The following KIF12 variants were observed in gnomAD, a reference collection of about 807,000 sequenced individuals.
KIF12 encodes kinesin family member 12, also known as kinesin-like protein KIF12.
In KIF12, 80 loss-of-function variants were observed where a neutral mutation model predicts 87.9. The observed-to-expected ratio is 0.91, with a 90% CI of 0.76 to 1.10. KIF12 has a LOEUF of 1.10. Among genes scored for constraint, KIF12 ranks in the 50% least tolerant of loss-of-function variants. The pLI is 0.00. For missense variants in KIF12, 819 were observed against 865.3 expected, an observed-to-expected ratio of 0.95 and a Z score of 0.67; for synonymous variants, 353 against 348.5, an observed-to-expected ratio of 1.01 and a Z score of -0.14.
At chr9:114,097,817 G>A in intron 5 of KIF12, 76 bp from the exon 6 acceptor site, 2 of 1,490,626 alleles carry the variant, frequency 1.3e-6, no homozygotes, top group Non-Finnish European at 1.8e-6. Flanking sequence ...ATGATACCGT[G>A]CGCCGGGAAA....
At chr9:114,094,921 G>T in intron 11 of KIF12, 102 bp downstream of exon 11, 2 of 1,046,818 alleles carry the variant, frequency 1.9e-6, no homozygotes, top group South Asian at 1.7e-5. Flanking sequence ...TCCCAACTTT[G>T]ACCCAGTCCA....
At position 114,093,233 on chromosome 9, in the gene KIF12, G is replaced by A. The variant is rs1223040970; in HGVS notation, c.1592C>T (p.Pro531Leu). 1.3e-6 allele frequency: 2 copies of A among 1,551,894 alleles called. No individual in the cohort carries two copies. Among genetic ancestry groups the A allele is most frequent in the East Asian group, 2.4e-5 (1 of 41,088 alleles). The change falls in exon 16 of 19, where the codon CCC becomes CTC. Residue 531 changes from proline (P) to leucine (L), a missense_variant. Transcript: ENST00000640217. ...WACLPGEHHL[P>L]QVLDPEASGG... ...TCCCACCATGGCCTTTCCTACCTGG[G>A]GCAGGTGGTGCTCCCCTGGCAGGCA... is the stretch of plus-strand genomic sequence containing the variant.
chr9:114,094,958 C>T (rs1183977764), intron 11 of KIF12, 65 bp downstream of exon 11: 16 of 1,392,094 alleles, frequency 1.1e-5, no homozygotes, highest in South Asian at 1.1e-4. Flanking sequence ...ACTCAGGCTC[C>T]AACTCCTGCC....
At chr9:114,094,549 A>C in intron 11 of KIF12, 94 bp from the exon 12 acceptor site, 1 of 708,844 alleles carries the variant, frequency 1.4e-6, no homozygotes, top group Non-Finnish European at 2.4e-6. Flanking sequence ...GGGGCCTAAA[A>C]TCCAGCCCAT....
intron 4 of KIF12, 55 bp downstream of exon 4, chr9:114,098,247 G>A: frequency 6.6e-7 from 1 of 1,521,656 alleles, no homozygotes; most frequent in South Asian, 1.2e-5. Flanking sequence ...GGGGGCTGGG[G>A]GTGCTTCGGG....
In KIF12 at chr9:114,099,168, C is replaced by T; in HGVS notation, c.28G>A (p.Asp10Asn). The T allele has an allele frequency of 1.3e-6, 2 of 1,550,518 alleles. No individual in the cohort carries two copies. The highest frequency in any genetic ancestry group is 1.7e-6 in the Non-Finnish European group (2 of 1,147,042). The change falls in exon 2 of 19, where the codon GAT (aspartate) becomes AAT (asparagine). Residue 10 changes from aspartate to asparagine, a missense_variant and splice_region_variant. Coordinates refer to ENST00000640217, the MANE Select transcript of KIF12 (RefSeq NM_001388308.1). Reference protein sequence around the residue: MEERGSPDGDLARSLEQGPE... With the variant: MEERGSPDGNLARSLEQGPE... The stretch of plus-strand genomic sequence containing the variant: ...CCTTGCTCCAGGCTCCGCGCGAGAT[C>T]CCTGTGGGCAGCAATGCGACTTATC...
chr9:114,098,450 G>A (rs1847332079), intron 3 of KIF12, 21 bp from the exon 4 acceptor site: 2 of 1,492,792 alleles, frequency 1.3e-6, no homozygotes, highest in Admixed American at 2.3e-5. Flanking sequence ...TGGGGCGGAG[G>A]AGCGGGGCAC....
intron 7 of KIF12, among the ~76,000 whole-genome samples, chr9:114,097,074 A>C (rs1720341216): frequency 6.6e-6 from 1 of 152,170 alleles, no homozygotes; most frequent in South Asian, 2.1e-4. Flanking sequence ...TGGGCTAGAG[A>C]GGAGAGGGTG....
chr9:114,094,640 G>A (rs1187922546), intron 11 of KIF12, among the ~76,000 whole-genome samples, 185 bp from the exon 12 acceptor site: 12 of 152,194 alleles, frequency 7.9e-5, no homozygotes, highest in African/African-American at 2.9e-4. Flanking sequence ...CACTGTCCTG[G>A]AGGGCCCCAC....
rs370755096 is a variant in KIF12, at chr9:114,095,281, G to C, written c.947C>G (p.Pro316Arg). 9 of 1,613,894 alleles carry C rather than the reference G, an allele frequency of 5.6e-6. No individual in the cohort carries two copies. The African/African-American group carries it at 9.3e-5, about 17-fold the overall frequency. ...CTTGGTGAGCTTGCTGTCCCGGAAA[G>C]GGATGTGGCTCTGCTTCCGCTGTGG... ...LDPQRKQSHIPFRDSKLTKLL... is the reference protein window; with the variant it reads ...LDPQRKQSHIRFRDSKLTKLL... Residue 316 changes from proline (P) to arginine (R), a missense_variant, in exon 10 of 19, where the codon CCT becomes CGT. By Grantham distance (103) the Pro-to-Arg change is moderately radical. Coordinates refer to ENST00000640217, the MANE Select transcript of KIF12 (RefSeq NM_001388308.1).
chr9:114,098,041 C>A (rs1009852661), intron 5 of KIF12, 74 bp downstream of exon 5: 180 of 1,405,164 alleles, frequency 1.3e-4, no homozygotes, highest in Non-Finnish European at 1.6e-4. Flanking sequence ...TGGGAGTCTG[C>A]GCCGCCTGCG....
Position 114,099,027 on chromosome 9 carries a change from G to GA in KIF12, c.93-15dup. 6.5e-7 allele frequency: 1 copy of GA among 1,550,366 alleles called. No individual in the cohort carries two copies. The highest frequency in any genetic ancestry group is 8.7e-7 in the Non-Finnish European group (1 of 1,146,868). ...ATGGGACGTACCCTGGGGTCCGACA[G>GA]AAGGGCAGATGGTACATCCTGATGT... On this transcript the variant is annotated splice_polypyrimidine_tract_variant and intron_variant, in intron 2 of 18. Coordinates refer to ENST00000640217, the MANE Select transcript of KIF12 (RefSeq NM_001388308.1).
rs1319936712 is a variant in KIF12 at position 114,098,285 on chromosome 9, G to A, written c.299+17C>T. Reference sequence around the variant, plus strand: ...CCCGCCAGGCCCGGCGCGGAGCGGAGGCGAAGCTTCACTCACCCGCGCAGC... The same window carrying A: ...CCCGCCAGGCCCGGCGCGGAGCGGAAGCGAAGCTTCACTCACCCGCGCAGC... On this transcript the variant is annotated intron_variant, in intron 4 of 18. Coordinates refer to ENST00000640217, the MANE Select transcript of KIF12 (RefSeq NM_001388308.1). 14 of 1,488,982 alleles carry A rather than the reference G, an allele frequency of 9.4e-6. No individual in the cohort carries two copies. The highest frequency in any genetic ancestry group is 1.2e-5 in the Non-Finnish European group (14 of 1,124,312). 92.2% of individuals were successfully genotyped at this position (1,488,982 alleles called of 1,614,324 possible). A position where few individuals can be genotyped will look rare whatever the true frequency, so the allele number is the denominator to read the frequency against.
In KIF12 at chr9:114,092,348, A is replaced by T. The variant is rs201532959; in HGVS notation, c.1801T>A (p.Ser601Thr). The T allele has an allele frequency of 1.3e-6, 2 of 1,591,046 alleles. No individual in the cohort carries two copies. Among genetic ancestry groups the T allele is most frequent in the Admixed American group, 3.7e-5 (2 of 54,332 alleles). The change falls in exon 18 of 19, where the codon TCA becomes ACA. Residue 601 changes from serine (S) to threonine (T), a missense_variant. By Grantham distance (58) the Ser-to-Thr change is moderately conservative. Coordinates refer to ENST00000640217, the MANE Select transcript of KIF12 (RefSeq NM_001388308.1). ...CCTTCTTCACCTCTGAGCCCTGGTG[A>T]TGTCTTCGGGGGCCTCACAGGCAGG... Reference protein sequence around the residue: ...PPLPVRPPKTSPGLRGGAGVP... With the variant: ...PPLPVRPPKTTPGLRGGAGVP...
intron 7 of KIF12, 147 bp downstream of exon 7, chr9:114,097,151 CCTT>C: frequency 2.5e-6 from 2 of 813,432 alleles, no homozygotes; most frequent in Non-Finnish European, 3.6e-6. Flanking sequence ...TTGGGCCATG[CCTT>C]TGAATTGTGG....
Position 114,098,958 on chromosome 9 carries a change from A to G in KIF12, c.148T>C (p.Cys50Arg). Residue 50 changes from cysteine (C) to arginine (R), a missense_variant, in exon 3 of 19, where the codon TGC (cysteine) becomes CGC (arginine). Coordinates refer to ENST00000640217, the MANE Select transcript of KIF12 (RefSeq NM_001388308.1). ...ACCTGCAGAGTCCGGGTCCCTGAGC[A>G]GTGCAGCACGCTCTGCTGCCCTCGA... ...LRRGQQSVLHCSGTRTLQVSP... is the reference protein window; with the variant it reads ...LRRGQQSVLHRSGTRTLQVSP... 6.5e-7 allele frequency: 1 copy of G among 1,549,718 alleles called. No individual in the cohort carries two copies. The highest frequency in any genetic ancestry group is 8.7e-7 in the Non-Finnish European group (1 of 1,146,414).
chr9:114,099,115 C>A lies in KIF12; in HGVS notation c.81G>T (p.Gln27His). 6.4e-7 allele frequency: 1 copy of A among 1,550,582 alleles called. No homozygotes were observed. The highest frequency in any genetic ancestry group is 1.4e-5 in the African/African-American group (1 of 73,130). ...QGPEGPETPI[Q>H]VVLRVRPMSA... ...CAATTTATACCCACCTGAGCACCACCTGGATGGGCGTTTCCGGCCCCTCTG... is the reference window on the plus strand; with the variant it reads ...CAATTTATACCCACCTGAGCACCACATGGATGGGCGTTTCCGGCCCCTCTG... The change falls in exon 2 of 19, where the codon CAG (glutamine) becomes CAT (histidine). Residue 27 changes from glutamine to histidine, a missense_variant. Gln to His is a conservative substitution (Grantham distance 24). Transcript: ENST00000640217.
chr9:114,091,995 C>T lies in KIF12; in HGVS notation c.1822G>A (p.Ala608Thr), dbSNP rs777358080. Residue 608 changes from alanine to threonine, a missense_variant, in exon 19 of 19, where the codon GCC becomes ACC. Ala to Thr is a moderately conservative substitution (Grantham distance 58). Coordinates refer to ENST00000640217, the MANE Select transcript of KIF12 (RefSeq NM_001388308.1). The stretch of plus-strand genomic sequence containing the variant: ...CTCTGGGCCAGGTTTGGAACCCCGG[C>T]CCCACCTAAGGAGCAGTGAGACTCG... ...PKTSPGLRGG[A>T]GVPNLAQRLE... 48 of 1,611,020 alleles carry T rather than the reference C, an allele frequency of 3.0e-5. No individual in the cohort carries two copies. Among genetic ancestry groups the T allele is most frequent in the Admixed American group, 5.0e-5 (3 of 59,884 alleles).
At position 114,095,113 on chromosome 9, in the gene KIF12, G is replaced by A. The variant is rs959978227; in HGVS notation, c.1029C>T (p.Ser343=). The change falls in exon 11 of 19, where the codon TCC becomes TCT. Residue 343 remains serine (S), a synonymous_variant. Coordinates refer to ENST00000640217, the MANE Select transcript of KIF12 (RefSeq NM_001388308.1). The part of the protein sequence containing the change: ...RGVTLMVACV[S]PSAQCLPETL... Reference sequence around the variant, plus strand: ...TCTCAGGAAGGCACTGGGCTGAGGGGGACACGCAGGCCACCTGGGGAGTGC... The same window carrying A: ...TCTCAGGAAGGCACTGGGCTGAGGGAGACACGCAGGCCACCTGGGGAGTGC... 1.2e-6 allele frequency: 2 copies of A among 1,607,408 alleles called. No homozygotes were observed. Among genetic ancestry groups the A allele is most frequent in the African/African-American group, 1.3e-5 (1 of 74,824 alleles).
Sources: gnomAD v4.1 joint callset for allele counts (sites outside exome capture counted in the v4.1 genomes callset) on GRCh38, gnomAD v4.1.1 for gene constraint, MANE v1.5 for transcripts, NCBI Gene and HGNC (gene_info 2026-07-23, HGNC 2026-07-21) for gene names.